IL1RL2: variants seen among roughly 807,000 people sequenced by gnomAD.
IL1RL2 encodes interleukin-1 receptor-like 2.
A neutral mutation model predicts 66.8 loss-of-function variants in IL1RL2; 68 were observed. The ratio of observed to expected loss-of-function variants is 1.02; its 90% CI spans 0.84 to 1.25. The LOEUF (loss-of-function observed/expected upper bound fraction) is 1.25. IL1RL2 is among the 50% of genes most tolerant of loss of function. The pLI, the probability that IL1RL2 is intolerant of heterozygous loss-of-function variation, is 0.00. For synonymous variants in IL1RL2, 305 were observed against 264.6 expected (o/e 1.15, Z -1.48); for missense variants, 729 against 709.3 (o/e 1.03, Z -0.32).
chr2:102,196,020 C>T (rs1687755874), intron 4 of IL1RL2, among the ~76,000 whole-genome samples: 1 of 151,922 alleles, frequency 6.6e-6, no homozygotes, highest in Non-Finnish European at 1.5e-5. Flanking sequence ...GGCCCTTATG[C>T]TTGTTAATTA....
At chr2:102,212,785 G>A (rs568578004) in intron 6 of IL1RL2, among the ~76,000 whole-genome samples, 3 of 152,184 alleles carry the variant, frequency 2.0e-5, no homozygotes, top group African/African-American at 4.8e-5. Context: ...TGGCTAACAC[G>A]GTGAAAACCT....
At chr2:102,240,992 C>T (rs1017272025), downstream of IL1RL2, among the ~76,000 whole-genome samples, 8 of 152,262 alleles carry the variant, frequency 5.3e-5, no homozygotes, top group Non-Finnish European at 1.0e-4. Flanking sequence ...CTGCCTACGG[C>T]GCCATTGCGC....
downstream of IL1RL2, among the ~76,000 whole-genome samples, chr2:102,242,750 T>A (rs146180233): frequency 9.6e-4 from 146 of 152,332 alleles, no homozygotes; most frequent in East Asian, 8.7e-3. Context: ...GACACGTCCA[T>A]AAATAATGTT....
chr2:102,242,057 T>A (rs927250543), downstream of IL1RL2, among the ~76,000 whole-genome samples: 1 of 152,206 alleles, frequency 6.6e-6, no homozygotes, highest in Non-Finnish European at 1.5e-5. Flanking sequence ...AAAAAATTTT[T>A]AAAAACAAAG....
rs751898446 is a variant in IL1RL2, at chr2:102,218,943, T to G, written c.725-10T>G. 12 of 1,596,244 alleles carry G rather than the reference T, an allele frequency of 7.5e-6. No individual in the cohort carries two copies. Among genetic ancestry groups the G allele is most frequent in the East Asian group, 2.2e-5 (1 of 44,616 alleles). ...TTTCATTGAATATTGATGATATTGGTTTTTTTTAGGTACCACTCTGATTGT... is the reference window on the plus strand; with the variant it reads ...TTTCATTGAATATTGATGATATTGGGTTTTTTTAGGTACCACTCTGATTGT... On this transcript the variant is annotated splice_polypyrimidine_tract_variant and intron_variant, in intron 6 of 11. Coordinates refer to ENST00000264257, the MANE Select transcript of IL1RL2 (RefSeq NM_003854.4).
chr2:102,222,364 C>T (rs1475984156), intron 8 of IL1RL2, among the ~76,000 whole-genome samples: 1 of 152,090 alleles, frequency 6.6e-6, no homozygotes, highest in East Asian at 1.9e-4. Context: ...GTCTGTGTAC[C>T]CATGTAGAGG....
intron 3 of IL1RL2, among the ~76,000 whole-genome samples, chr2:102,190,273 C>A (rs1390144207): frequency 6.6e-6 from 1 of 152,164 alleles, no homozygotes; most frequent in African/African-American, 2.4e-5. Flanking sequence ...CTTTGTGGGG[C>A]CTGAATAAAA....
chr2:102,223,735 G>C (rs888766937), intron 8 of IL1RL2, among the ~76,000 whole-genome samples: 10 of 152,166 alleles, frequency 6.6e-5, no homozygotes, highest in Non-Finnish European at 1.5e-4. Context: ...TATCAGGACA[G>C]TTAACAAAAC....
intron 6 of IL1RL2, 33 bp downstream of exon 6, chr2:102,212,207 C>A: frequency 1.4e-6 from 2 of 1,426,678 alleles, no homozygotes; most frequent in Non-Finnish European, 2.0e-6. Context: ...TTGAAATCAC[C>A]AGGGGAAGAG....
At chr2:102,240,962 G>A (rs1675214240), downstream of IL1RL2, among the ~76,000 whole-genome samples, 1 of 152,266 alleles carries the variant, frequency 6.6e-6, no homozygotes, top group South Asian at 2.1e-4. Context: ...CCTGAGCTCG[G>A]CAAACAAGGA....
At chr2:102,204,785 T>A (rs1045485965) in intron 5 of IL1RL2, among the ~76,000 whole-genome samples, 1 of 151,978 alleles carries the variant, frequency 6.6e-6, no homozygotes, top group African/African-American at 2.4e-5. Flanking sequence ...AATCAATGGG[T>A]CTTGTTTTTT....
At chr2:102,231,201 G>A (rs576424285) in intron 9 of IL1RL2, among the ~76,000 whole-genome samples, 2 of 152,126 alleles carry the variant, frequency 1.3e-5, no homozygotes, top group African/African-American at 2.4e-5. Context: ...CTCCTTCCAT[G>A]CCCTTCTGAA....
chr2:102,217,756 T>C (rs1349203749), intron 6 of IL1RL2, among the ~76,000 whole-genome samples: 1 of 152,160 alleles, frequency 6.6e-6, no homozygotes, highest in African/African-American at 2.4e-5. Context: ...TAGACCCCTA[T>C]CTTTTAACAT....
At chr2:102,198,156 C>T (rs1578108253) in intron 4 of IL1RL2, among the ~76,000 whole-genome samples, 3 of 151,682 alleles carry the variant, frequency 2.0e-5, no homozygotes, top group South Asian at 2.1e-4. Flanking sequence ...ATAATAGGTA[C>T]GTAATAAATA....
intron 11 of IL1RL2, among the ~76,000 whole-genome samples, chr2:102,236,543 CTTTA>C (rs1336830401): frequency 6.6e-6 from 1 of 152,186 alleles, no homozygotes; most frequent in Non-Finnish European, 1.5e-5. Flanking sequence ...TTGGTCCACT[CTTTA>C]TTTAACATTT....
chr2:102,223,547 T>A (rs1690332661), intron 8 of IL1RL2, among the ~76,000 whole-genome samples: 2 of 152,210 alleles, frequency 1.3e-5, no homozygotes, highest in Admixed American at 1.3e-4. Context: ...TGAGTCCCTC[T>A]GAATGTATTC....
intron 5 of IL1RL2, among the ~76,000 whole-genome samples, chr2:102,207,004 G>A (rs1161522995): frequency 6.6e-6 from 1 of 152,144 alleles, no homozygotes; most frequent in Non-Finnish European, 1.5e-5. Flanking sequence ...AGGCAGAGGA[G>A]CCTCAGCATC....
At chr2:102,231,088 G>A (rs1030158996) in intron 9 of IL1RL2, among the ~76,000 whole-genome samples, 2 of 152,164 alleles carry the variant, frequency 1.3e-5, no homozygotes, top group African/African-American at 4.8e-5. Context: ...TCGAAATCGC[G>A]TTTTCCAATG....
At chr2:102,189,944 G>A (rs1251506002) in intron 3 of IL1RL2, among the ~76,000 whole-genome samples, 1 of 152,208 alleles carries the variant, frequency 6.6e-6, no homozygotes, top group African/African-American at 2.4e-5. Flanking sequence ...GAGCCACCTA[G>A]CCCGGCCGCT....
Sources: allele counts gnomAD v4.1 joint callset (sites outside exome capture counted in the v4.1 genomes callset), GRCh38; gene constraint gnomAD v4.1.1; transcripts MANE v1.5; gene names NCBI Gene and HGNC (gene_info 2026-07-23, HGNC 2026-07-21).